The following ARHGAP15 variants were observed in gnomAD, a reference collection of about 807,000 sequenced individuals.
ARHGAP15 encodes Rho GTPase activating protein 15.
In ARHGAP15, 51 loss-of-function variants were observed where a neutral mutation model predicts 63.7. That is an observed-to-expected ratio of 0.80 (90% CI 0.64 to 1.01). The LOEUF is 1.01. ARHGAP15 is among the 50% of genes least tolerant of loss of function. ARHGAP15 has a pLI of 0.00. For synonymous variants in ARHGAP15, 191 were observed against 193.8 expected (o/e 0.99, Z 0.12); for missense variants, 560 against 564.6 (o/e 0.99, Z 0.08).
At chr2:143,765,896 C>A (rs1318812079) in intron 13 of ARHGAP15, among the ~76,000 whole-genome samples, 1 of 152,140 alleles carries the variant, frequency 6.6e-6, no homozygotes, top group Non-Finnish European at 1.5e-5. Flanking sequence ...ATAGAAGCTA[C>A]TTCATGGGCT....
At chr2:143,238,083 A>G (rs999210883) in intron 5 of ARHGAP15, 3 of 152,214 alleles carry the variant, frequency 2.0e-5, no homozygotes, top group Admixed American at 1.3e-4. Context: ...TAAATAAACT[A>G]TAAAAACTCT....
intron 8 of ARHGAP15, among the ~76,000 whole-genome samples, chr2:143,449,639 T>C (rs570439416): frequency 6.6e-6 from 1 of 152,144 alleles, no homozygotes; most frequent in Non-Finnish European, 1.5e-5. Context: ...GTCAAGCTGT[T>C]TTGAAAAATT....
chr2:143,165,948 A>G (rs749673661), intron 2 of ARHGAP15, among the ~76,000 whole-genome samples: 1 of 115,842 alleles, frequency 8.6e-6, no homozygotes, highest in South Asian at 2.9e-4. Context: ...GAAAAGAAGA[A>G]AGAAAGAAAG....
chr2:143,463,567 T>C (rs1004026329), intron 8 of ARHGAP15, among the ~76,000 whole-genome samples: 3 of 151,550 alleles, frequency 2.0e-5, no homozygotes, highest in Non-Finnish European at 2.9e-5. Context: ...AGATGTCTTA[T>C]AGATAGGGGT....
intron 12 of ARHGAP15, among the ~76,000 whole-genome samples, chr2:143,685,389 A>G (rs542982253): frequency 1.8e-4 from 27 of 152,308 alleles, no homozygotes; most frequent in African/African-American, 6.0e-4. Flanking sequence ...TTTTCAGGAT[A>G]GACACATTCA....
intron 6 of ARHGAP15, among the ~76,000 whole-genome samples, chr2:143,367,716 A>T (rs768047774): frequency 6.6e-6 from 1 of 151,898 alleles, no homozygotes; most frequent in Non-Finnish European, 1.5e-5. Flanking sequence ...ATCCCTTCAT[A>T]TCTGTAATTC....
intron 6 of ARHGAP15, among the ~76,000 whole-genome samples, chr2:143,271,678 A>G (rs563125607): frequency 8.5e-4 from 130 of 152,282 alleles, no homozygotes; most frequent in Non-Finnish European, 9.3e-4. Flanking sequence ...GGGTTCCACC[A>G]TGTTAGTCGG....
chr2:143,574,835 A>G (rs775059951), intron 11 of ARHGAP15, among the ~76,000 whole-genome samples: 7 of 152,084 alleles, frequency 4.6e-5, no homozygotes, highest in Non-Finnish European at 1.0e-4. Context: ...TCTGAGGAAA[A>G]TTTTCGTTAG....
At chr2:143,734,928 G>A (rs1184029606) in intron 13 of ARHGAP15, among the ~76,000 whole-genome samples, 1 of 152,154 alleles carries the variant, frequency 6.6e-6, no homozygotes, top group Non-Finnish European at 1.5e-5. Context: ...TTTATCTGAA[G>A]ACTCCTAAGA....
intron 6 of ARHGAP15, among the ~76,000 whole-genome samples, chr2:143,414,767 CT>C (rs980714230): frequency 2.6e-5 from 4 of 152,086 alleles, no homozygotes; most frequent in Admixed American, 2.6e-4. Context: ...AACCCTGTCT[CT>C]TGTAAAATAC....
intron 10 of ARHGAP15, among the ~76,000 whole-genome samples, chr2:143,535,372 G>A (rs1332002970): frequency 6.6e-6 from 1 of 152,012 alleles, no homozygotes; most frequent in Non-Finnish European, 1.5e-5. Context: ...TCTGCTCCCA[G>A]TAAAGGATTT....
At chr2:143,166,169 G>A (rs1311662841) in intron 2 of ARHGAP15, among the ~76,000 whole-genome samples, 2 of 152,036 alleles carry the variant, frequency 1.3e-5, no homozygotes, top group Admixed American at 1.3e-4. Flanking sequence ...AACACAATCT[G>A]GGTAACACAG....
chr2:143,276,922 G>A (rs1004891233), intron 6 of ARHGAP15, among the ~76,000 whole-genome samples: 25 of 152,156 alleles, frequency 1.6e-4, no homozygotes, highest in African/African-American at 6.0e-4. Context: ...CTTAGCTTTA[G>A]GCACACAATA....
At chr2:143,330,115 A>AT (rs1684460041) in intron 6 of ARHGAP15, among the ~76,000 whole-genome samples, 1 of 86,180 alleles carries the variant, frequency 1.2e-5, no homozygotes, top group African/African-American at 4.5e-5. Flanking sequence ...AAAAAAAAAA[A>AT]AAAAAAAAAA....
rs980496532 is a variant in ARHGAP15, at chr2:143,758,215, C to T, written c.1245-9774C>T. 2.0e-5 allele frequency among the ~76,000 whole-genome samples: 3 copies of T among 151,556 alleles called. No individual in the cohort carries two copies. In the South Asian group the frequency reaches 6.2e-4, roughly 32 times the overall value. On this transcript the variant is annotated intron_variant, in intron 13 of 13. Coordinates refer to ENST00000295095, the MANE Select transcript of ARHGAP15 (RefSeq NM_018460.4). ...AAGGGGGGAAAAGCAAATTATAGCA[C>T]ATTATGTATTTTTTATTTCATCTTT...
At chr2:143,581,247 A>ATT (rs57029668) in intron 11 of ARHGAP15, among the ~76,000 whole-genome samples, 69 of 151,718 alleles carry the variant, frequency 4.5e-4, no homozygotes, top group East Asian at 1.9e-3. Context: ...GAGAAGCTGC[A>ATT]TTTTTTTTAT....
At chr2:143,648,684 C>T (rs1415145898) in intron 12 of ARHGAP15, 1 of 151,948 alleles carries the variant, frequency 6.6e-6, no homozygotes, top group Admixed American at 6.6e-5. Flanking sequence ...GAAATAATGG[C>T]TTTAAATTTC....
At chr2:143,236,482 A>G (rs1480962875) in intron 5 of ARHGAP15, 1 of 152,246 alleles carries the variant, frequency 6.6e-6, no homozygotes, top group Non-Finnish European at 1.5e-5. Flanking sequence ...AAGATAAAAA[A>G]TGAACCAGAC....
intron 1 of ARHGAP15, among the ~76,000 whole-genome samples, chr2:143,140,872 G>C (rs1689332567): frequency 6.6e-6 from 1 of 152,176 alleles, no homozygotes. Context: ...AACCAGCTAT[G>C]GTGCTGTCCA....
Sources: allele counts gnomAD v4.1 joint callset (sites outside exome capture counted in the v4.1 genomes callset), GRCh38; gene constraint gnomAD v4.1.1; transcripts MANE v1.5; gene names NCBI Gene and HGNC (gene_info 2026-07-23, HGNC 2026-07-21).